Variants in MTMR9 observed in about 807,000 individuals in gnomAD.
The protein encoded by MTMR9 is myotubularin related protein 9, also known as myotubularin-related protein 9.
In MTMR9, 39 loss-of-function variants were observed where a neutral mutation model predicts 69.5. The ratio of observed to expected loss-of-function variants is 0.56; its 90% CI spans 0.43 to 0.73. The LOEUF (loss-of-function observed/expected upper bound fraction) is 0.73, where lower values mean the gene tolerates loss of function less well. MTMR9 is among the 30% of genes least tolerant of loss of function. The pLI, the probability that MTMR9 is intolerant of heterozygous loss-of-function variation, is 0.00. For missense variants in MTMR9, 900 were observed against 671.2 expected (o/e 1.34, Z -3.77); for synonymous variants, 354 against 240.8 (o/e 1.47, Z -4.35).
chr8:11,314,798 A>G, intron 6 of MTMR9, 125 bp from the exon 7 acceptor site: 2 of 814,852 alleles, frequency 2.5e-6, no homozygotes, highest in East Asian at 2.5e-5. Context: ...TGTTGTACTC[A>G]ATACACTAAA....
chr8:11,334,021 C>T, the MTMR9 span, among the ~76,000 whole-genome samples: 13 of 152,290 alleles, frequency 8.5e-5, no homozygotes, highest in African/African-American at 2.2e-4. Context: ...AATTCAGCCC[C>T]GGTCCTTTTC....
At chr8:11,310,728 T>C (rs1300403583) in intron 6 of MTMR9, among the ~76,000 whole-genome samples, 1 of 152,240 alleles carries the variant, frequency 6.6e-6, no homozygotes, top group Non-Finnish European at 1.5e-5. Flanking sequence ...AACCTAAGTT[T>C]ACCAGATTTC....
chr8:11,294,194 G>C (rs928152735), intron 1 of MTMR9, among the ~76,000 whole-genome samples: 13 of 152,132 alleles, frequency 8.5e-5, no homozygotes, highest in African/African-American at 2.9e-4. Context: ...AATAAAGGTA[G>C]TTTTACTTCT....
intron 4 of MTMR9, 37 bp downstream of exon 4, chr8:11,305,051 G>A: frequency 6.3e-7 from 1 of 1,589,462 alleles, no homozygotes; most frequent in Non-Finnish European, 8.6e-7. Context: ...GTACTGAAAG[G>A]CTTGGGTTGG....
downstream of MTMR9, among the ~76,000 whole-genome samples, chr8:11,329,201 A>G (rs1488537690): frequency 1.3e-5 from 2 of 152,214 alleles, no homozygotes; most frequent in South Asian, 2.1e-4. Flanking sequence ...CGAGACCAGC[A>G]TGGGAAACAT....
chr8:11,333,220 T>A, the MTMR9 span, among the ~76,000 whole-genome samples: 14 of 152,138 alleles, frequency 9.2e-5, no homozygotes, highest in African/African-American at 2.9e-4. Context: ...ATATGAAAAC[T>A]ATCAAAAATC....
intron 8 of MTMR9, 26 bp from the exon 9 acceptor site, chr8:11,319,661 T>C: frequency 6.2e-7 from 1 of 1,611,498 alleles, no homozygotes. Context: ...TTAATTACTT[T>C]AATGGCAGTG....
rs1563260903 is a variant in MTMR9 at position 11,285,215 on chromosome 8, C to T, written c.182+145C>T. 7 of 818,710 alleles carry T rather than the reference C, an allele frequency of 8.6e-6. No individual in the cohort carries two copies. In the East Asian group the frequency reaches 8.8e-5, roughly 10 times the overall value. 50.7% of individuals were successfully genotyped at this position (818,710 alleles called of 1,614,324 possible). A position where few individuals can be genotyped will look rare whatever the true frequency, so the allele number is the denominator to read the frequency against. On this transcript the variant is annotated intron_variant, in intron 1 of 9. Coordinates refer to ENST00000221086, the MANE Select transcript of MTMR9 (RefSeq NM_015458.4). ...CTCTGTGGCCTAGAATCAGGATTTA[C>T]CAAGCTGAAACCCGTCCAGATGGAG...
At position 11,287,798 on chromosome 8, in the gene MTMR9, CATATT is replaced by C. The variant is rs1563262723; in HGVS notation, c.182+2733_182+2737del. On this transcript the variant is annotated intron_variant, in intron 1 of 9. Transcript: ENST00000221086. ...TATTTATTATATATTATATATAATA[CATATT>C]ATATAATACATATAATATATAATAT... Among the ~76,000 whole-genome samples the C allele has an allele frequency of 1.8e-3, 32 of 18,036 alleles. 1 individual carries two copies. The South Asian group carries it at 0.052, about 30-fold the overall frequency. 11.8% of individuals were successfully genotyped at this position (18,036 alleles called of 152,430 possible).
At chr8:11,320,914 A>T (rs1247457289) in intron 9 of MTMR9, 1 of 152,746 alleles carries the variant, frequency 6.5e-6, no homozygotes, top group Non-Finnish European at 1.5e-5. Flanking sequence ...CTGTTTGTTA[A>T]ATTAAACCGA....
intron 1 of MTMR9, among the ~76,000 whole-genome samples, chr8:11,288,389 G>T (rs796935140): frequency 2.5e-4 from 36 of 144,498 alleles, no homozygotes; most frequent in African/African-American, 9.3e-4. Context: ...GGTAATAAGG[G>T]CCAGGAAGGA....
chr8:11,313,475 C>T (rs1201435615), intron 6 of MTMR9, among the ~76,000 whole-genome samples: 2 of 152,162 alleles, frequency 1.3e-5, no homozygotes, highest in African/African-American at 4.8e-5. Context: ...TGCAGGAGGC[C>T]CAGCTTTTGG....
rs768187912 is a variant in MTMR9, at chr8:11,322,793, TCTC to T, written c.*9_*11del. ...GGGATGCAGGAGAGTCCCTGAAAGG[TCTC>T]CTCGCACCCTTCGCAAGGACCTTCT... On this transcript the variant is annotated 3_prime_UTR_variant, in exon 10 of 10. Coordinates refer to ENST00000221086, the MANE Select transcript of MTMR9 (RefSeq NM_015458.4). 2.5e-6 allele frequency: 4 copies of T among 1,613,154 alleles called. No individual in the cohort carries two copies. Among genetic ancestry groups the T allele is most frequent in the Non-Finnish European group, 3.4e-6 (4 of 1,179,514 alleles).
In MTMR9 at chr8:11,309,678, T is replaced by G. The variant is rs760169618; in HGVS notation, c.961T>G (p.Cys321Gly). The G allele has an allele frequency of 3.7e-6, 6 of 1,613,628 alleles. No homozygotes were observed. Among genetic ancestry groups the G allele is most frequent in the Non-Finnish European group, 5.1e-6 (6 of 1,179,764 alleles). Residue 321 changes from cysteine to glycine, a missense_variant, in exon 6 of 10, where the codon TGC (cysteine) becomes GGC (glycine). Coordinates refer to ENST00000221086, the MANE Select transcript of MTMR9 (RefSeq NM_015458.4). ...ILTTACLAAQ[C>G]IDREGASILI... ...GACAACTGCCTGCCTAGCGGCTCAG[T>G]GCATCGACAGGTAAAGTGCATTTCA...
intron 1 of MTMR9, among the ~76,000 whole-genome samples, chr8:11,288,548 AG>A (rs1799274177): frequency 6.6e-6 from 1 of 151,918 alleles, no homozygotes; most frequent in Non-Finnish European, 1.5e-5. Context: ...TTGCAGCCAG[AG>A]GGAACAGCGA....
downstream of MTMR9, among the ~76,000 whole-genome samples, chr8:11,329,898 G>A (rs1397791594): frequency 6.6e-6 from 1 of 151,940 alleles, no homozygotes; most frequent in African/African-American, 2.4e-5. Flanking sequence ...CCCATCATCT[G>A]AGATGTGGGG....
At chr8:11,292,299 A>C (rs1298123791) in intron 1 of MTMR9, among the ~76,000 whole-genome samples, 1 of 152,150 alleles carries the variant, frequency 6.6e-6, no homozygotes, top group African/African-American at 2.4e-5. Flanking sequence ...TTCTTATGCA[A>C]GTCTTTGAAT....
At chr8:11,298,905 T>G in intron 2 of MTMR9, 3 of 982,840 alleles carry the variant, frequency 3.1e-6, no homozygotes, top group Non-Finnish European at 3.6e-6. Context: ...GCTGATAGAG[T>G]TATTGCCCCC....
chr8:11,319,958 G>T, intron 9 of MTMR9, 120 bp downstream of exon 9: 1 of 912,698 alleles, frequency 1.1e-6, no homozygotes, highest in Non-Finnish European at 1.6e-6. Context: ...AGACCTGTGT[G>T]AATTGTCATT....
Sources: allele counts gnomAD v4.1 joint callset (sites outside exome capture counted in the v4.1 genomes callset), GRCh38; gene constraint gnomAD v4.1.1; transcripts MANE v1.5; gene names NCBI Gene and HGNC (gene_info 2026-07-23, HGNC 2026-07-21).